CACNA2D1: variants seen among roughly 807,000 people sequenced by gnomAD.
CACNA2D1 encodes the protein voltage-dependent calcium channel subunit alpha-2/delta-1.
A neutral mutation model predicts 171.5 loss-of-function variants in CACNA2D1; 53 were observed. That is an observed-to-expected ratio of 0.31 (90% CI 0.25 to 0.39). CACNA2D1 has a LOEUF of 0.39. CACNA2D1 is among the 10% of genes least tolerant of loss of function. CACNA2D1 has a pLI of 1.00. For missense variants in CACNA2D1, 903 were observed against 1,299.8 expected, an observed-to-expected ratio of 0.69 and a Z score of 4.69; for synonymous variants, 442 against 443.1, an observed-to-expected ratio of 1.00 and a Z score of 0.03.
intron 5 of CACNA2D1, among the ~76,000 whole-genome samples, chr7:82,126,419 T>A (rs1462129777): frequency 2.0e-5 from 3 of 152,226 alleles, no homozygotes; most frequent in Admixed American, 6.5e-5. Flanking sequence ...CTCTCTTCTG[T>A]ATATTTAAAA....
intron 3 of CACNA2D1, among the ~76,000 whole-genome samples, chr7:82,201,961 T>C (rs1052992932): frequency 1.3e-5 from 2 of 152,164 alleles, no homozygotes; most frequent in Admixed American, 6.5e-5. Context: ...CTAGGAGGCC[T>C]GGACTAAGAC....
intron 1 of CACNA2D1, among the ~76,000 whole-genome samples, chr7:82,374,701 A>C (rs2129448628): frequency 6.6e-6 from 1 of 151,996 alleles, no homozygotes; most frequent in Non-Finnish European, 1.5e-5. Flanking sequence ...TGCACAATGT[A>C]GTTGCTTAAA....
chr7:82,278,535 G>C (rs1372190803), intron 3 of CACNA2D1, among the ~76,000 whole-genome samples: 1 of 133,032 alleles, frequency 7.5e-6, no homozygotes, highest in African/African-American at 2.8e-5. Context: ...TCCAGCCTGA[G>C]AGACAGAGTG....
chr7:82,401,321 G>A (rs1255532413), intron 1 of CACNA2D1, among the ~76,000 whole-genome samples: 1 of 151,374 alleles, frequency 6.6e-6, no homozygotes, highest in Non-Finnish European at 1.5e-5. Context: ...GTCCAACAAT[G>A]ATAGACTGGA....
chr7:82,225,043 A>T (rs2129263029), intron 3 of CACNA2D1, among the ~76,000 whole-genome samples: 1 of 152,302 alleles, frequency 6.6e-6, no homozygotes, highest in East Asian at 1.9e-4. Flanking sequence ...CCATTTACAC[A>T]TTATTTTTTG....
chr7:82,388,437 G>A (rs542784605), intron 1 of CACNA2D1, among the ~76,000 whole-genome samples: 1 of 152,274 alleles, frequency 6.6e-6, no homozygotes, highest in East Asian at 1.9e-4. Context: ...ATAAATTCAG[G>A]TTGATTTTTC....
intron 26 of CACNA2D1, 70 bp downstream of exon 26, chr7:81,971,707 C>A (rs1795294946): frequency 2.3e-6 from 2 of 862,244 alleles, no homozygotes; most frequent in South Asian, 2.8e-5. Flanking sequence ...AGATTCATAC[C>A]CAATTTCCAC....
At chr7:82,136,503 C>G in intron 5 of CACNA2D1, 132 bp downstream of exon 5, 1 of 623,932 alleles carries the variant, frequency 1.6e-6, no homozygotes, top group Non-Finnish European at 2.8e-6. Context: ...TATCTCGTAT[C>G]TAACTAGTAT....
Position 81,968,940 on chromosome 7 carries a change from A to G in CACNA2D1, c.2342T>C (p.Met781Thr), listed in dbSNP as rs1584226458. The change falls in exon 29 of 39, where the codon ATG (methionine) becomes ACG (threonine). Residue 781 changes from methionine to threonine, a missense_variant. Transcript: ENST00000356860. ...SGPGAYESGI[M>T]VSKAVEIYIQ... ...ATATATTTCTACAGCTTTGCTTACC[A>G]TAATGCCCGATTCATAGGCACCAGG... 7.5e-6 allele frequency: 12 copies of G among 1,594,578 alleles called. No homozygotes were observed. The highest frequency in any genetic ancestry group is 1.0e-5 in the Non-Finnish European group (12 of 1,164,250).
At chr7:82,102,248 A>G (rs946741161) in intron 6 of CACNA2D1, among the ~76,000 whole-genome samples, 2 of 152,166 alleles carry the variant, frequency 1.3e-5, no homozygotes, top group African/African-American at 4.8e-5. Flanking sequence ...AAGCTTTAAA[A>G]TTTATTTTAG....
intron 2 of CACNA2D1, among the ~76,000 whole-genome samples, chr7:82,339,014 AGTC>A (rs1818311609): frequency 6.6e-6 from 1 of 152,208 alleles, no homozygotes; most frequent in Non-Finnish European, 1.5e-5. Context: ...TCTAAGTAGC[AGTC>A]AAGTTCACTA....
chr7:82,100,688 T>TA (rs1374058599), intron 6 of CACNA2D1, among the ~76,000 whole-genome samples: 1 of 152,192 alleles, frequency 6.6e-6, no homozygotes, highest in Non-Finnish European at 1.5e-5. Flanking sequence ...ATGAAGTGTA[T>TA]ACACATGTGT....
At chr7:82,214,420 G>A (rs1800890907) in intron 3 of CACNA2D1, among the ~76,000 whole-genome samples, 1 of 151,050 alleles carries the variant, frequency 6.6e-6, no homozygotes, top group South Asian at 2.1e-4. Context: ...CTTCGGGGAA[G>A]GAGCAAGCCC....
At chr7:82,300,367 C>T (rs569116238) in intron 3 of CACNA2D1, among the ~76,000 whole-genome samples, 1 of 151,804 alleles carries the variant, frequency 6.6e-6, no homozygotes, top group African/African-American at 2.4e-5. Context: ...ATTACAGATA[C>T]CATTTTAAAT....
intron 4 of CACNA2D1, among the ~76,000 whole-genome samples, chr7:82,156,698 GT>G (rs1275276108): frequency 7.5e-6 from 1 of 132,504 alleles, no homozygotes; most frequent in Non-Finnish European, 1.5e-5. Context: ...GATATTAAAC[GT>G]TTTTTTAAAT....
At chr7:82,285,321 C>A (rs2129383915) in intron 3 of CACNA2D1, among the ~76,000 whole-genome samples, 1 of 152,204 alleles carries the variant, frequency 6.6e-6, no homozygotes. Flanking sequence ...AATCAGGCCC[C>A]AAATCCTTTG....
At chr7:81,992,689 A>T (rs1333949270) in intron 20 of CACNA2D1, among the ~76,000 whole-genome samples, 1 of 152,212 alleles carries the variant, frequency 6.6e-6, no homozygotes, top group Non-Finnish European at 1.5e-5. Context: ...TTCAGTCTTC[A>T]ATTTGTAATA....
At chr7:82,310,542 A>G (rs915545144) in intron 3 of CACNA2D1, among the ~76,000 whole-genome samples, 4 of 152,052 alleles carry the variant, frequency 2.6e-5, no homozygotes, top group Non-Finnish European at 4.4e-5. Flanking sequence ...TCAAAAACAC[A>G]TATTAATGCA....
At chr7:82,354,956 C>T (rs971599529) in intron 1 of CACNA2D1, among the ~76,000 whole-genome samples, 3 of 152,122 alleles carry the variant, frequency 2.0e-5, no homozygotes, top group Non-Finnish European at 2.9e-5. Context: ...ATAAACAAGG[C>T]TTATCTCTTT....
Sources: allele counts gnomAD v4.1 joint callset (sites outside exome capture counted in the v4.1 genomes callset), GRCh38; gene constraint gnomAD v4.1.1; transcripts MANE v1.5; gene names NCBI Gene and HGNC (gene_info 2026-07-23, HGNC 2026-07-21).